SFMBT1: variants seen among roughly 807,000 people sequenced by gnomAD.
SFMBT1 encodes scm-like with four MBT domains protein 1.
Under a neutral mutation model 108.7 loss-of-function variants are expected in SFMBT1, and 32 were observed. That is an observed-to-expected ratio of 0.29 (90% CI 0.22 to 0.40). The LOEUF is 0.40. Ranked by LOEUF, SFMBT1 falls within the 10% of genes least tolerant of loss-of-function variation. The pLI is 1.00. For synonymous variants in SFMBT1, 348 were observed against 369.5 expected, an observed-to-expected ratio of 0.94 and a Z score of 0.67; for missense variants, 816 against 1,059.6, an observed-to-expected ratio of 0.77 and a Z score of 3.19.
chr3:53,026,723 G>C (rs1037780767), intron 1 of SFMBT1, among the ~76,000 whole-genome samples: 1 of 152,196 alleles, frequency 6.6e-6, no homozygotes, highest in Admixed American at 6.5e-5. Flanking sequence ...AAAAGGAAGA[G>C]CTGGCAAGAA....
intron 1 of SFMBT1, among the ~76,000 whole-genome samples, chr3:52,980,492 T>C (rs963634524): frequency 2.0e-5 from 3 of 152,124 alleles, no homozygotes; most frequent in African/African-American, 7.2e-5. Flanking sequence ...GTAAGACCCA[T>C]AGAAAGTACC....
intron 1 of SFMBT1, among the ~76,000 whole-genome samples, chr3:53,028,845 GC>G (rs1699582569): frequency 6.6e-6 from 1 of 152,126 alleles, no homozygotes; most frequent in Admixed American, 6.5e-5. Flanking sequence ...CCTGTCACTG[GC>G]TTGGTGTGAA....
intron 1 of SFMBT1, among the ~76,000 whole-genome samples, chr3:53,034,652 G>A (rs1043849917): frequency 2.0e-5 from 3 of 151,812 alleles, no homozygotes; most frequent in Admixed American, 2.0e-4. Context: ...AAGAATAATT[G>A]TGGGCCAGGC....
chr3:52,929,371 C>G (rs759881965), intron 8 of SFMBT1, among the ~76,000 whole-genome samples: 1 of 152,184 alleles, frequency 6.6e-6, no homozygotes, highest in Non-Finnish European at 1.5e-5. Flanking sequence ...TCCCGAGCAG[C>G]TGGGATTACA....
intron 1 of SFMBT1, among the ~76,000 whole-genome samples, chr3:53,024,208 G>A (rs1244703949): frequency 1.3e-5 from 2 of 152,188 alleles, no homozygotes; most frequent in African/African-American, 4.8e-5. Context: ...TCACAGTCGG[G>A]TGGTGTGCTT....
intron 1 of SFMBT1, among the ~76,000 whole-genome samples, chr3:52,983,531 T>C (rs966463798): frequency 1.3e-5 from 2 of 152,118 alleles, no homozygotes; most frequent in Admixed American, 1.3e-4. Flanking sequence ...TGAAAACAAA[T>C]GTTAGGAGAA....
intron 1 of SFMBT1, chr3:53,043,282 A>G (rs1700114244): frequency 6.6e-6 from 1 of 151,922 alleles, no homozygotes; most frequent in Non-Finnish European, 1.5e-5. Flanking sequence ...AAAAAAAAAA[A>G]GGTATCTTAG....
intron 8 of SFMBT1, among the ~76,000 whole-genome samples, chr3:52,930,058 A>G (rs138176549): frequency 6.6e-6 from 1 of 152,228 alleles, no homozygotes; most frequent in African/African-American, 2.4e-5. Context: ...TCCTTTACTT[A>G]TATGCAGCTA....
chr3:52,959,093 A>C (rs1703876915), intron 2 of SFMBT1, among the ~76,000 whole-genome samples: 2 of 150,548 alleles, frequency 1.3e-5, no homozygotes, highest in South Asian at 2.1e-4. Flanking sequence ...ACATGGACAC[A>C]TCGGGGGGAA....
intron 12 of SFMBT1, among the ~76,000 whole-genome samples, chr3:52,918,894 T>C (rs1306084410): frequency 6.6e-6 from 1 of 151,836 alleles, no homozygotes; most frequent in Non-Finnish European, 1.5e-5. Flanking sequence ...GGAAGACAAT[T>C]TTTCCATGGA....
intron 11 of SFMBT1, among the ~76,000 whole-genome samples, chr3:52,921,221 G>A (rs573040899): frequency 4.6e-5 from 7 of 152,334 alleles, no homozygotes; most frequent in Admixed American, 3.9e-4. Context: ...GGATAAAAAA[G>A]CTGCTCAGGG....
chr3:52,987,007 G>A (rs1025106807), intron 1 of SFMBT1, among the ~76,000 whole-genome samples: 5 of 151,774 alleles, frequency 3.3e-5, no homozygotes, highest in South Asian at 2.1e-4. Context: ...TTATTTACTT[G>A]TTAAAACTTT....
intron 1 of SFMBT1, among the ~76,000 whole-genome samples, chr3:52,987,333 G>T (rs1002895091): frequency 7.2e-5 from 11 of 152,164 alleles, no homozygotes; most frequent in African/African-American, 2.7e-4. Flanking sequence ...TATGTGTTAT[G>T]CTTTTATACA....
chr3:52,929,468 A>G (rs368243622), intron 8 of SFMBT1, among the ~76,000 whole-genome samples: 3 of 152,112 alleles, frequency 2.0e-5, no homozygotes, highest in South Asian at 4.2e-4. Context: ...TGAACTCCTG[A>G]CCTCAGGTGA....
intron 13 of SFMBT1, among the ~76,000 whole-genome samples, chr3:52,918,189 C>T (rs1391830212): frequency 6.6e-6 from 1 of 152,168 alleles, no homozygotes; most frequent in Admixed American, 6.5e-5. Context: ...TTTTGCTCTT[C>T]CTTAATGAAT....
Position 52,943,381 on chromosome 3 carries a change from C to T in SFMBT1, c.336G>A (p.Gln112=), listed in dbSNP as rs1280477974. ...CTGGGGCTTCAAGGGTCTTCTTATT[C>T]TGCTCACACCACCCAATGGGGTAGA... ...ADLYPIGWCE[Q]NKKTLEAPEG... Residue 112 remains glutamine (Q), a synonymous_variant, in exon 4 of 21, where the codon CAG becomes CAA. Coordinates refer to ENST00000394752, the MANE Select transcript of SFMBT1 (RefSeq NM_016329.4). The T allele has an allele frequency of 1.1e-5, 18 of 1,614,216 alleles. No individual in the cohort carries two copies. The highest frequency in any genetic ancestry group is 1.5e-5 in the Non-Finnish European group (18 of 1,180,036).
chr3:52,979,004 T>TA (rs1328129422), intron 1 of SFMBT1, among the ~76,000 whole-genome samples: 1 of 152,004 alleles, frequency 6.6e-6, no homozygotes, highest in Admixed American at 6.6e-5. Context: ...CTTTTGGGGG[T>TA]ATTAAAACAT....
chr3:52,981,372 A>C (rs1356018441), intron 1 of SFMBT1, among the ~76,000 whole-genome samples: 1 of 149,168 alleles, frequency 6.7e-6, no homozygotes, highest in African/African-American at 2.5e-5. Flanking sequence ...GTTTCTGTGG[A>C]ATTTTTTTGA....
intron 1 of SFMBT1, among the ~76,000 whole-genome samples, chr3:53,015,941 T>A (rs1044455702): frequency 6.6e-6 from 1 of 152,160 alleles, no homozygotes; most frequent in Non-Finnish European, 1.5e-5. Flanking sequence ...ATTTTTTAAA[T>A]AAGAAAAAGC....
Sources: allele counts gnomAD v4.1 joint callset (sites outside exome capture counted in the v4.1 genomes callset), GRCh38; gene constraint gnomAD v4.1.1; transcripts MANE v1.5; gene names NCBI Gene and HGNC (gene_info 2026-07-23, HGNC 2026-07-21).